LRP12: variants seen among roughly 807,000 people sequenced by gnomAD.
LRP12 encodes low-density lipoprotein receptor-related protein 12.
LRP12 carries 14 observed loss-of-function variants against 66.0 expected under a neutral mutation model. That is an observed-to-expected ratio of 0.21 (90% CI 0.14 to 0.33). LRP12 has a LOEUF of 0.33. Among genes scored for constraint, LRP12 ranks in the 10% least tolerant of loss-of-function variants. LRP12 has a pLI of 1.00. For synonymous variants in LRP12, 357 were observed against 359.1 expected, an observed-to-expected ratio of 0.99 and a Z score of 0.07; for missense variants, 889 against 1,053.4, an observed-to-expected ratio of 0.84 and a Z score of 2.16.
chr8:104,506,092 TA>T (rs1810902364), intron 3 of LRP12: 1 of 152,206 alleles, frequency 6.6e-6, no homozygotes, highest in African/African-American at 2.4e-5. Flanking sequence ...TCTTTGAAAT[TA>T]ACCACTTGAT....
chr8:104,557,155 AT>A lies in LRP12; in HGVS notation c.80-25193del, dbSNP rs1308657738. ...CTATGACAAACCCATAGCCAACATTATACTGAACGGGGAAAGTTGAAAGCAT... is the reference window on the plus strand; with the variant it reads ...CTATGACAAACCCATAGCCAACATTAACTGAACGGGGAAAGTTGAAAGCAT... On this transcript the variant is annotated intron_variant, in intron 1 of 6. Coordinates refer to ENST00000276654, the MANE Select transcript of LRP12 (RefSeq NM_013437.5). Among the ~76,000 whole-genome samples the A allele has an allele frequency of 2.6e-5, 4 of 152,324 alleles. No homozygotes were observed. The East Asian group carries it at 7.7e-4, about 29-fold the overall frequency.
chr8:104,558,703 T>G (rs944093188), intron 1 of LRP12, among the ~76,000 whole-genome samples: 1 of 151,320 alleles, frequency 6.6e-6, no homozygotes, highest in African/African-American at 2.4e-5. Context: ...TCCCTAACTA[T>G]GCATCCAACA....
intron 1 of LRP12, among the ~76,000 whole-genome samples, chr8:104,547,093 G>C (rs1055981526): frequency 1.4e-5 from 2 of 140,382 alleles, no homozygotes; most frequent in Admixed American, 7.3e-5. Context: ...CTATATCATA[G>C]TTTGTATATA....
intron 1 of LRP12, among the ~76,000 whole-genome samples, chr8:104,582,158 C>T (rs890962777): frequency 6.6e-6 from 1 of 152,072 alleles, no homozygotes; most frequent in African/African-American, 2.4e-5. Context: ...TTTAATTTCT[C>T]TAAAAACTGA....
Position 104,490,597 on chromosome 8 carries a change from G to A in LRP12, c.*76C>T, listed in dbSNP as rs1182917291. ...ATTTTTTCTTTTTAAACTAAAACTA[G>A]TTTAACTGTAAAGTTACAAAATAAT... On this transcript the variant is annotated 3_prime_UTR_variant, in exon 7 of 7. Transcript: ENST00000276654. 6.7e-7 allele frequency: 1 copy of A among 1,484,352 alleles called. No individual in the cohort carries two copies. The highest frequency in any genetic ancestry group is 9.0e-7 in the Non-Finnish European group (1 of 1,109,152). The allele number at this position is 1,484,352 out of a possible 1,614,324, so 91.9% of individuals were successfully genotyped here. A position where few individuals can be genotyped will look rare whatever the true frequency, so the allele number is the denominator to read the frequency against.
rs573711295 is a variant in LRP12, at chr8:104,512,023, TTAA to T, written c.137-2952_137-2950del. ...CCAAATGTAATTCTTTAAGAGTTTATTAATAATAAACTGCCAGTTTTCTTCCAC... is the reference window on the plus strand; with the variant it reads ...CCAAATGTAATTCTTTAAGAGTTTATTAATAAACTGCCAGTTTTCTTCCAC... On this transcript the variant is annotated intron_variant, in intron 2 of 6. Transcript: ENST00000276654. Among the ~76,000 whole-genome samples the T allele has an allele frequency of 6.0e-3, 907 of 152,342 alleles. 4 individuals are homozygous for T. The highest frequency in any genetic ancestry group is 9.1e-3 in the Non-Finnish European group (619 of 68,044).
At chr8:104,536,721 T>C (rs900398685) in intron 1 of LRP12, among the ~76,000 whole-genome samples, 1 of 151,974 alleles carries the variant, frequency 6.6e-6, no homozygotes, top group Non-Finnish European at 1.5e-5. Flanking sequence ...TAGTTACTAA[T>C]ATTAGACAGT....
chr8:104,553,570 C>G (rs1811759364), intron 1 of LRP12, among the ~76,000 whole-genome samples: 1 of 152,258 alleles, frequency 6.6e-6, no homozygotes, highest in African/African-American at 2.4e-5. Flanking sequence ...CTTCATTCCC[C>G]ACAGCAGCTG....
At chr8:104,552,029 T>A (rs191791770) in intron 1 of LRP12, among the ~76,000 whole-genome samples, 1 of 152,274 alleles carries the variant, frequency 6.6e-6, no homozygotes, top group Admixed American at 6.5e-5. Flanking sequence ...GGATAAAGAA[T>A]GTATAAAGAG....
rs184452253 is a variant in LRP12, at chr8:104,548,474, C to A, written c.80-16511G>T. Among the ~76,000 whole-genome samples, 190 of 111,826 alleles carry A rather than the reference C, an allele frequency of 1.7e-3. 3 individuals carry two copies. Among genetic ancestry groups the A allele is most frequent in the Admixed American group, 4.3e-3 (42 of 9,670 alleles). The allele number at this position is 111,826 out of a possible 152,430, so 73.4% of individuals were successfully genotyped here. ...TATATTTTGTATCTAATATATAATT[C>A]TATATTATATTTTGTATCTAATATA... On this transcript the variant is annotated intron_variant, in intron 1 of 6. Coordinates refer to ENST00000276654, the MANE Select transcript of LRP12 (RefSeq NM_013437.5).
At chr8:104,572,825 A>G (rs992460261) in intron 1 of LRP12, among the ~76,000 whole-genome samples, 2 of 152,192 alleles carry the variant, frequency 1.3e-5, no homozygotes, top group Non-Finnish European at 2.9e-5. Context: ...CTTTTAGAGT[A>G]GAGTTCAAAT....
chr8:104,566,208 A>G, intron 1 of LRP12: 2 of 669,864 alleles, frequency 3.0e-6, no homozygotes, highest in Non-Finnish European at 4.6e-6. Flanking sequence ...CTGAAAATGC[A>G]GCACATAGAA....
At chr8:104,522,253 C>T (rs945332473) in intron 2 of LRP12, among the ~76,000 whole-genome samples, 1 of 151,934 alleles carries the variant, frequency 6.6e-6, no homozygotes, top group Non-Finnish European at 1.5e-5. Flanking sequence ...ATTTTAAAGG[C>T]CACAACTAAA....
chr8:104,507,854 A>G (rs960279357), intron 3 of LRP12: 7 of 152,186 alleles, frequency 4.6e-5, no homozygotes, highest in African/African-American at 1.7e-4. Flanking sequence ...CCACCAAAAA[A>G]AGGAGATAGA....
chr8:104,528,689 C>T (rs1026107157), intron 2 of LRP12, among the ~76,000 whole-genome samples: 3 of 151,786 alleles, frequency 2.0e-5, no homozygotes, highest in East Asian at 1.9e-4. Context: ...GCAGGAGAAT[C>T]GCTTGAACCC....
chr8:104,507,980 T>C (rs1810933804), intron 3 of LRP12: 1 of 152,202 alleles, frequency 6.6e-6, no homozygotes, highest in Non-Finnish European at 1.5e-5. Flanking sequence ...TTTAAAAACA[T>C]AAAATGAAGG....
chr8:104,532,337 G>A (rs893775385), intron 1 of LRP12, among the ~76,000 whole-genome samples: 6 of 150,376 alleles, frequency 4.0e-5, no homozygotes, highest in Non-Finnish European at 7.4e-5. Flanking sequence ...GCCACAAGTC[G>A]GTGTAATATC....
chr8:104,505,399 C>CTTTTTTTTTTTTT (rs57277820), intron 3 of LRP12: 2 of 103,348 alleles, frequency 1.9e-5, no homozygotes, highest in South Asian at 3.4e-4. Context: ...TCCTTCTTTC[C>CTTTTTTTTTTTTT]TTTTTTTTTT....
intron 1 of LRP12, among the ~76,000 whole-genome samples, chr8:104,538,333 C>T (rs548116402): frequency 2.0e-5 from 3 of 152,172 alleles, no homozygotes; most frequent in African/African-American, 7.2e-5. Context: ...ATTTCCCATA[C>T]TCCTTGTGCA....
Sources: allele counts gnomAD v4.1 joint callset (sites outside exome capture counted in the v4.1 genomes callset), GRCh38; gene constraint gnomAD v4.1.1; transcripts MANE v1.5; gene names NCBI Gene and HGNC (gene_info 2026-07-23, HGNC 2026-07-21).